Variants in SAFB observed in about 807,000 individuals in gnomAD.
SAFB encodes scaffold attachment factor B, also known as scaffold attachment factor B1.
Under a neutral mutation model 101.6 loss-of-function variants are expected in SAFB, and 15 were observed. The observed-to-expected ratio is 0.15, with a 90% CI of 0.10 to 0.23. The LOEUF (loss-of-function observed/expected upper bound fraction) is 0.23, where lower values mean the gene tolerates loss of function less well. Ranked by LOEUF, SAFB falls within the 10% of genes least tolerant of loss-of-function variation. SAFB has a pLI of 1.00. For synonymous variants in SAFB, 449 were observed against 407.5 expected (o/e 1.10, Z -1.23); for missense variants, 930 against 1,104.1 (o/e 0.84, Z 2.23).
At chr19:5,659,283 C>T (rs966174035) in intron 14 of SAFB, among the ~76,000 whole-genome samples, 1 of 152,050 alleles carries the variant, frequency 6.6e-6, no homozygotes, top group African/African-American at 2.4e-5. Context: ...CCAGCCTGGG[C>T]AACAAGAGCA....
rs182013994 is a variant in SAFB at position 5,634,395 on chromosome 19, T to G, written c.275-7199T>G. On this transcript the variant is annotated intron_variant, in intron 2 of 20. Coordinates refer to ENST00000588852, the MANE Select transcript of SAFB (RefSeq NM_001201338.2). ...TAGGATATTGCAAACAACAGAAAGT[T>G]TGAGGGTTTGTTCATTTGATGGTGG... 3.3e-5 allele frequency among the ~76,000 whole-genome samples: 5 copies of G among 152,198 alleles called. No individual in the cohort carries two copies. The East Asian group carries it at 9.6e-4, about 29-fold the overall frequency.
At chr19:5,656,782 A>T (rs1886998049) in intron 13 of SAFB, among the ~76,000 whole-genome samples, 1 of 151,250 alleles carries the variant, frequency 6.6e-6, no homozygotes. Flanking sequence ...TTATTTATTT[A>T]TTTTTTGAGA....
intron 1 of SAFB, among the ~76,000 whole-genome samples, chr19:5,625,329 A>G (rs186246257): frequency 6.6e-6 from 1 of 152,316 alleles, no homozygotes; most frequent in East Asian, 1.9e-4. Flanking sequence ...TCCCCGGGAA[A>G]AGGGTGAGGG....
chr19:5,644,648 G>GA (rs1421271631), intron 4 of SAFB, among the ~76,000 whole-genome samples: 1 of 152,302 alleles, frequency 6.6e-6, no homozygotes, highest in Admixed American at 6.5e-5. Flanking sequence ...TAAAATATCT[G>GA]AAAACGTCTC....
chr19:5,656,569 C>T (rs2054065663), intron 13 of SAFB, among the ~76,000 whole-genome samples: 1 of 149,162 alleles, frequency 6.7e-6, no homozygotes, highest in Admixed American at 6.7e-5. Flanking sequence ...AGCCACTGCG[C>T]CAGCAATTTT....
chr19:5,640,075 A>G (rs1322571184), intron 2 of SAFB, among the ~76,000 whole-genome samples: 1 of 152,104 alleles, frequency 6.6e-6, no homozygotes, highest in African/African-American at 2.4e-5. Flanking sequence ...GCTAGTCCCG[A>G]AATCCTGACC....
intron 14 of SAFB, among the ~76,000 whole-genome samples, chr19:5,658,102 G>C (rs556627660): frequency 4.6e-5 from 7 of 150,660 alleles, no homozygotes; most frequent in African/African-American, 1.5e-4. Context: ...TGTTCAAGCA[G>C]TTCTCCTGCC....
In SAFB at chr19:5,667,993, G is replaced by C. The variant is rs2054375018; in HGVS notation, c.2624+107G>C. The C allele has an allele frequency of 5.6e-6, 8 of 1,419,170 alleles. No homozygotes were observed. 87.9% of individuals were successfully genotyped at this position (1,419,170 alleles called of 1,614,324 possible). A position where few individuals can be genotyped will look rare whatever the true frequency, so the allele number is the denominator to read the frequency against. Reference sequence around the variant, plus strand: ...TCCAGCTAGTGCCCCTCCCCCCAAGGGTGACGTGAGGCCAGGCATGGGGTA... The same window carrying C: ...TCCAGCTAGTGCCCCTCCCCCCAAGCGTGACGTGAGGCCAGGCATGGGGTA... On this transcript the variant is annotated intron_variant, in intron 20 of 20. Transcript: ENST00000588852. The surrounding 1 kb of genome is among the most constrained non-coding windows in gnomAD (Gnocchi z 4.0).
chr19:5,655,397 CT>C (rs2054033587), intron 13 of SAFB, among the ~76,000 whole-genome samples: 1 of 146,750 alleles, frequency 6.8e-6, no homozygotes, highest in African/African-American at 2.5e-5. Flanking sequence ...GAGGTCAAGA[CT>C]GTAGTGAGCC....
At chr19:5,648,075 G>T in intron 6 of SAFB, 32 bp downstream of exon 6, 3 of 1,578,824 alleles carry the variant, frequency 1.9e-6, no homozygotes, top group Non-Finnish European at 2.6e-6. Flanking sequence ...ACCAGCGGGG[G>T]TTTGGAACCA....
intron 1 of SAFB, among the ~76,000 whole-genome samples, chr19:5,625,646 G>A (rs764067172): frequency 3.3e-5 from 5 of 152,212 alleles, no homozygotes; most frequent in Admixed American, 6.5e-5. Flanking sequence ...TGACGTGTTC[G>A]GTACTGATGG....
chr19:5,652,890 C>T (rs1278934605), intron 9 of SAFB, among the ~76,000 whole-genome samples: 1 of 152,180 alleles, frequency 6.6e-6, no homozygotes, highest in Admixed American at 6.5e-5. Flanking sequence ...CGTCTGTTCC[C>T]CTACATTGCC....
At chr19:5,623,811 G>A in intron 1 of SAFB, 1 of 166,546 alleles carries the variant, frequency 6.0e-6, no homozygotes, top group Non-Finnish European at 1.3e-5. Context: ...CCAGGCCCTG[G>A]GATTCCTGAT....
At chr19:5,641,514 C>T in intron 2 of SAFB, 80 bp from the exon 3 acceptor site, 1 of 1,161,316 alleles carries the variant, frequency 8.6e-7, no homozygotes, top group Admixed American at 1.9e-5. Flanking sequence ...AAAGTGACCA[C>T]TTGTGTAGTG....
At chr19:5,663,453 G>T (rs1195944419) in intron 15 of SAFB, among the ~76,000 whole-genome samples, 1 of 152,226 alleles carries the variant, frequency 6.6e-6, no homozygotes, top group Non-Finnish European at 1.5e-5. Flanking sequence ...ATTGCTGTTT[G>T]TTGTTTCTTT....
intron 14 of SAFB, among the ~76,000 whole-genome samples, chr19:5,658,490 C>T (rs1005085086): frequency 5.3e-5 from 8 of 152,196 alleles, no homozygotes; most frequent in South Asian, 2.1e-4. Flanking sequence ...GTCAGGAGTT[C>T]GAGACCAGCC....
chr19:5,659,589 G>A (rs2054147966), intron 14 of SAFB, among the ~76,000 whole-genome samples: 1 of 151,898 alleles, frequency 6.6e-6, no homozygotes, highest in Non-Finnish European at 1.5e-5. Context: ...CACCGTGTTA[G>A]CCAGGATGGT....
At chr19:5,652,102 A>G (rs1166469598) in intron 9 of SAFB, among the ~76,000 whole-genome samples, 1 of 152,178 alleles carries the variant, frequency 6.6e-6, no homozygotes, top group African/African-American at 2.4e-5. Flanking sequence ...CTAAGGCAGG[A>G]TAACAACTTG....
chr19:5,666,867 C>T, intron 17 of SAFB, 179 bp from the exon 18 acceptor site: 1 of 702,654 alleles, frequency 1.4e-6, no homozygotes, highest in Non-Finnish European at 2.6e-6. Context: ...GCCTAGGGCA[C>T]AGGGCCTCTG....
Sources: gnomAD v4.1 joint callset for allele counts (sites outside exome capture counted in the v4.1 genomes callset) on GRCh38, gnomAD v4.1.1 for gene constraint, Gnocchi (gnomAD v3.1) non-coding constraint, MANE v1.5 for transcripts, NCBI Gene and HGNC (gene_info 2026-07-23, HGNC 2026-07-21) for gene names.